The following ANKH variants were observed in gnomAD, a reference collection of about 807,000 sequenced individuals.
ANKH encodes the protein ANKH inorganic pyrophosphate transport regulator.
A neutral mutation model predicts 49.0 loss-of-function variants in ANKH; 15 were observed. The ratio of observed to expected loss-of-function variants is 0.31; its 90% CI spans 0.20 to 0.47. ANKH has a LOEUF of 0.47. ANKH is among the 20% of genes least tolerant of loss of function. The pLI is 1.00. For synonymous variants in ANKH, 273 were observed against 260.0 expected, an observed-to-expected ratio of 1.05 and a Z score of -0.48; for missense variants, 429 against 652.0, an observed-to-expected ratio of 0.66 and a Z score of 3.72.
At chr5:14,791,522 T>C (rs1740165113) in intron 1 of ANKH, among the ~76,000 whole-genome samples, 1 of 152,144 alleles carries the variant, frequency 6.6e-6, no homozygotes, top group Non-Finnish European at 1.5e-5. Flanking sequence ...ATACAAATGG[T>C]TCCCTTGTTG....
At chr5:14,840,051 GAATATACAAGAAGTTCTTA>G (rs2126608430) in intron 1 of ANKH, among the ~76,000 whole-genome samples, 1 of 152,146 alleles carries the variant, frequency 6.6e-6, no homozygotes, top group East Asian at 1.9e-4. Flanking sequence ...ATAAGCAAAG[GAATATACAAGAAGTTCTTA>G]AATATACAAG....
chr5:14,871,326 G>A (rs1198162889), intron 1 of ANKH, 26 bp downstream of exon 1: 1 of 1,601,272 alleles, frequency 6.2e-7, no homozygotes, highest in African/African-American at 1.3e-5. Flanking sequence ...GGGCGAGCGG[G>A]CGTGGGGCGC....
chr5:14,856,831 A>G (rs1735278582), intron 1 of ANKH, among the ~76,000 whole-genome samples: 3 of 152,188 alleles, frequency 2.0e-5, no homozygotes, highest in South Asian at 4.1e-4. Flanking sequence ...CTGGCTCCAC[A>G]TGCCAGAAGC....
chr5:14,712,306 C>T (rs1737248839), intron 11 of ANKH, among the ~76,000 whole-genome samples: 1 of 152,256 alleles, frequency 6.6e-6, no homozygotes, highest in African/African-American at 2.4e-5. Flanking sequence ...AACTGTTTCC[C>T]CACCCATGTG....
In ANKH at chr5:14,730,335, T is replaced by C. The variant is rs188226751; in HGVS notation, c.1011+11492A>G. ...CATTCACAGGAATCAGGGAAAATTA[T>C]TTTTTTTAAAGAAATTAAGGGAAAC... On this transcript the variant is annotated intron_variant, in intron 8 of 11. Coordinates refer to ENST00000284268, the MANE Select transcript of ANKH (RefSeq NM_054027.6). Among the ~76,000 whole-genome samples, 741 of 152,134 alleles carry C rather than the reference T, an allele frequency of 4.9e-3. 5 individuals carry two copies. Among genetic ancestry groups the C allele is most frequent in the African/African-American group, 0.017 (703 of 41,484 alleles).
At chr5:14,778,048 T>C (rs918134537) in intron 1 of ANKH, among the ~76,000 whole-genome samples, 3 of 152,202 alleles carry the variant, frequency 2.0e-5, no homozygotes, top group Non-Finnish European at 2.9e-5. Context: ...TACCTCCACC[T>C]GAGATGGCAC....
intron 11 of ANKH, among the ~76,000 whole-genome samples, chr5:14,712,194 C>G (rs1222866043): frequency 6.6e-6 from 1 of 152,254 alleles, no homozygotes; most frequent in East Asian, 1.9e-4. Flanking sequence ...CAGGGGACAG[C>G]CAGTGTCCTG....
intron 8 of ANKH, among the ~76,000 whole-genome samples, chr5:14,731,001 G>A (rs1334735860): frequency 2.6e-5 from 4 of 152,358 alleles, no homozygotes; most frequent in Non-Finnish European, 4.4e-5. Context: ...GAAGCCCGAC[G>A]GGGCCCTCGA....
chr5:14,732,970 C>G (rs759176823), intron 8 of ANKH, among the ~76,000 whole-genome samples: 2 of 152,168 alleles, frequency 1.3e-5, no homozygotes, highest in Non-Finnish European at 2.9e-5. Flanking sequence ...GACAGACAGC[C>G]CCCCCAGCTG....
chr5:14,800,390 A>T (rs1308064031), intron 1 of ANKH, among the ~76,000 whole-genome samples: 1 of 152,258 alleles, frequency 6.6e-6, no homozygotes, highest in Non-Finnish European at 1.5e-5. Context: ...TTCTACTGTG[A>T]GTAAAATGCT....
intron 1 of ANKH, among the ~76,000 whole-genome samples, chr5:14,805,396 ACGTG>A (rs1320444418): frequency 3.8e-5 from 3 of 78,024 alleles, no homozygotes; most frequent in Admixed American, 2.9e-4. Context: ...GTGTATATAT[ACGTG>A]TGTGTGTGTG....
Position 14,713,085 on chromosome 5 carries a change from G to T in ANKH, c.1266-112C>A, listed in dbSNP as rs1737299265. Reference sequence around the variant, plus strand: ...AGCCTCGAGACGGCTGAGACCAGCGGCGTTCTCCATCTGCTGGCTTCGTAA... The same window carrying T: ...AGCCTCGAGACGGCTGAGACCAGCGTCGTTCTCCATCTGCTGGCTTCGTAA... On this transcript the variant is annotated intron_variant, in intron 10 of 11. Coordinates refer to ENST00000284268, the MANE Select transcript of ANKH (RefSeq NM_054027.6). The surrounding 1 kb of genome is among the most constrained non-coding windows in gnomAD (Gnocchi z 4.4). 9.4e-7 allele frequency: 1 copy of T among 1,060,336 alleles called. No individual in the cohort carries two copies. 65.7% of individuals were successfully genotyped at this position (1,060,336 alleles called of 1,614,324 possible).
chr5:14,830,076 C>T (rs1047954726), intron 1 of ANKH, among the ~76,000 whole-genome samples: 1 of 152,166 alleles, frequency 6.6e-6, no homozygotes, highest in Non-Finnish European at 1.5e-5. Context: ...AGTGTTTTAC[C>T]TTGGAAAGCA....
intron 1 of ANKH, among the ~76,000 whole-genome samples, chr5:14,835,948 C>T (rs1373122881): frequency 1.2e-4 from 18 of 152,198 alleles, no homozygotes; most frequent in Non-Finnish European, 4.4e-5. Context: ...CCCTGGGATG[C>T]AAGGCTGGTT....
chr5:14,770,946 C>A lies in ANKH; in HGVS notation c.97-1755G>T, dbSNP rs1445239870. Among the ~76,000 whole-genome samples the A allele has an allele frequency of 6.6e-6, 1 of 152,224 alleles. No homozygotes were observed. The highest frequency in any genetic ancestry group is 1.5e-5 in the Non-Finnish European group (1 of 68,038). ...GAGACACAATCACATTCATAGAATT[C>A]ATATTCAGTCTCTGCTATGTAAACT... On this transcript the variant is annotated intron_variant, in intron 1 of 11. Coordinates refer to ENST00000284268, the MANE Select transcript of ANKH (RefSeq NM_054027.6). The surrounding 1 kb of genome is among the most constrained non-coding windows in gnomAD (Gnocchi z 4.1).
intron 8 of ANKH, among the ~76,000 whole-genome samples, chr5:14,732,717 C>G (rs908788409): frequency 2.0e-5 from 3 of 152,076 alleles, no homozygotes; most frequent in Non-Finnish European, 4.4e-5. Context: ...CTTGTTGCCT[C>G]TGTGTGGCAT....
intron 1 of ANKH, among the ~76,000 whole-genome samples, chr5:14,860,071 A>T (rs1247149626): frequency 6.6e-6 from 1 of 152,240 alleles, no homozygotes; most frequent in Non-Finnish European, 1.5e-5. Flanking sequence ...CCCAATAGGC[A>T]TGAGCCGCAG....
intron 1 of ANKH, among the ~76,000 whole-genome samples, chr5:14,838,036 T>G (rs1457678210): frequency 6.6e-6 from 1 of 152,126 alleles, no homozygotes; most frequent in Non-Finnish European, 1.5e-5. Flanking sequence ...CACTGCATGT[T>G]ATCACTCATA....
In ANKH at chr5:14,711,287, C is replaced by T. The variant is rs202200884; in HGVS notation, c.1389G>A (p.Ser463=). ...TGGCAGAGTCTTCCCCCTCCGTGGC[C>T]GACTCATTCTCCATCTTCTTTTTCT... is the stretch of plus-strand genomic sequence containing the variant. ...RKQKKKMENE[S]ATEGEDSAMT... is the part of the protein sequence containing the mutation. The change falls in exon 12 of 12, where the codon TCG becomes TCA. Residue 463 remains serine, a synonymous_variant. Transcript: ENST00000284268. The T allele has an allele frequency of 2.1e-5, 34 of 1,614,104 alleles. No individual in the cohort carries two copies. In the Admixed American group the frequency reaches 3.2e-4, roughly 15 times the overall value.
Sources: gnomAD v4.1 joint callset for allele counts (sites outside exome capture counted in the v4.1 genomes callset) on GRCh38, gnomAD v4.1.1 for gene constraint, Gnocchi (gnomAD v3.1) non-coding constraint, MANE v1.5 for transcripts, NCBI Gene and HGNC (gene_info 2026-07-23, HGNC 2026-07-21) for gene names.